The following PDZD9 variants were observed in gnomAD, a reference collection of about 807,000 sequenced individuals.
The protein encoded by PDZD9 is PDZ domain-containing protein 9.
PDZD9 carries 13 observed loss-of-function variants against 16.3 expected under a neutral mutation model. The ratio of observed to expected loss-of-function variants is 0.80; its 90% CI spans 0.52 to 1.27. The LOEUF (loss-of-function observed/expected upper bound fraction) is 1.27. Among genes scored for constraint, PDZD9 ranks in the 50% most tolerant of loss-of-function variants. The pLI, the probability that PDZD9 is intolerant of heterozygous loss-of-function variation, is 0.00. For missense variants in PDZD9, 288 were observed against 310.9 expected (o/e 0.93, Z 0.55); for synonymous variants, 120 against 111.0 (o/e 1.08, Z -0.51).
the PDZD9 span, chr16:21,971,801 G>A: frequency 7.0e-7 from 1 of 1,422,680 alleles, no homozygotes; most frequent in Non-Finnish European, 9.7e-7. Flanking sequence ...GATGGCATGG[G>A]GAAAGCACCG....
rs1289766030 is a variant in PDZD9, at chr16:21,984,088, C to T, written c.*179G>A. On this transcript the variant is annotated 3_prime_UTR_variant, in exon 4 of 4. Coordinates refer to ENST00000424898, the MANE Select transcript of PDZD9 (RefSeq NM_001363519.1). ...TAAGATTTGTGAGGCCTGCAAGAACCCAAGGAAGTCTTTAGATAATCCTGT... is the reference window on the plus strand; with the variant it reads ...TAAGATTTGTGAGGCCTGCAAGAACTCAAGGAAGTCTTTAGATAATCCTGT... 1 of 598,184 alleles carries T rather than the reference C, an allele frequency of 1.7e-6. No individual in the cohort carries two copies. The highest frequency in any genetic ancestry group is 2.7e-6 in the Non-Finnish European group (1 of 365,768). 37.1% of individuals were successfully genotyped at this position (598,184 alleles called of 1,614,324 possible).
chr16:22,000,981 C>CA (rs892813521), intron 1 of PDZD9, 36 bp downstream of exon 1: 1 of 1,530,762 alleles, frequency 6.5e-7, no homozygotes. Flanking sequence ...GCTTGGTCCC[C>CA]AGGGCTTCTT....
the PDZD9 span, chr16:21,968,656 C>G: frequency 6.2e-7 from 1 of 1,609,786 alleles, no homozygotes; most frequent in Non-Finnish European, 8.5e-7. Flanking sequence ...AACCATTTCA[C>G]AAGTGCAAGA....
the PDZD9 span, among the ~76,000 whole-genome samples, chr16:21,963,924 A>G: frequency 2.9e-4 from 44 of 152,268 alleles, no homozygotes; most frequent in Admixed American, 1.5e-3. Context: ...TTTAATAGGA[A>G]TCTTTTTTGC....
At position 21,988,595 on chromosome 16, in the gene PDZD9, T is replaced by C. The variant is rs1898939834; in HGVS notation, c.401+7A>G. The C allele has an allele frequency of 3.1e-6, 5 of 1,599,072 alleles. No homozygotes were observed. Among genetic ancestry groups the C allele is most frequent in the Non-Finnish European group, 4.3e-6 (5 of 1,169,666 alleles). ...ATAACAAAGAGTTCCTAAAATGAAC[T>C]ATTTACCTTGTTACTGGGAATTTGG... On this transcript the variant is annotated splice_region_variant and intron_variant, in intron 3 of 3. Coordinates refer to ENST00000424898, the MANE Select transcript of PDZD9 (RefSeq NM_001363519.1).
At chr16:21,986,343 A>G (rs1470769311) in intron 3 of PDZD9, among the ~76,000 whole-genome samples, 1 of 152,160 alleles carries the variant, frequency 6.6e-6, no homozygotes, top group Non-Finnish European at 1.5e-5. Context: ...CTTAAGTTGT[A>G]CTGTTCTATC....
intron 2 of PDZD9, 90 bp from the exon 3 acceptor site, chr16:21,988,881 A>G: frequency 1.2e-6 from 1 of 827,982 alleles, no homozygotes. Context: ...ATTTCATTTT[A>G]TGGGTTCATA....
At chr16:21,971,418 G>A in the PDZD9 span, 1 of 874,438 alleles carries the variant, frequency 1.1e-6, no homozygotes, top group Non-Finnish European at 1.8e-6. Context: ...TATTTATTTT[G>A]TAGTGTTAGG....
the PDZD9 span, among the ~76,000 whole-genome samples, chr16:21,967,100 T>G: frequency 6.6e-6 from 1 of 152,184 alleles, no homozygotes; most frequent in African/African-American, 2.4e-5. Flanking sequence ...AAGTTAATAG[T>G]ATTTTTTAAA....
the PDZD9 span, among the ~76,000 whole-genome samples, chr16:21,963,496 G>T: frequency 7.3e-5 from 11 of 150,848 alleles, no homozygotes; most frequent in Non-Finnish European, 1.6e-4. Flanking sequence ...TTGAGACAGG[G>T]TGTTGCTTGT....
chr16:21,972,024 C>T, the PDZD9 span: 1 of 1,614,198 alleles, frequency 6.2e-7, no homozygotes, highest in Non-Finnish European at 8.5e-7. Context: ...TAGTGTTCTT[C>T]AGCATGTCCT....
At chr16:21,971,596 G>A in the PDZD9 span, 1 of 1,614,136 alleles carries the variant, frequency 6.2e-7, no homozygotes, top group Non-Finnish European at 8.5e-7. Flanking sequence ...TGGTTTATCT[G>A]GTGCAAAGGC....
At chr16:21,989,338 A>G (rs1453305104) in intron 2 of PDZD9, among the ~76,000 whole-genome samples, 1 of 152,156 alleles carries the variant, frequency 6.6e-6, no homozygotes, top group Non-Finnish European at 1.5e-5. Context: ...GGTAGACATT[A>G]TATGATGTTT....
downstream of PDZD9, among the ~76,000 whole-genome samples, chr16:21,979,782 A>G (rs1256614713): frequency 1.3e-5 from 2 of 152,136 alleles, no homozygotes; most frequent in Non-Finnish European, 2.9e-5. Flanking sequence ...GCACTACAAC[A>G]TTATGTTGTC....
chr16:21,958,487 A>T, the PDZD9 span: 1 of 1,566,304 alleles, frequency 6.4e-7, no homozygotes, highest in Non-Finnish European at 8.8e-7. Context: ...ATGTTTGGCA[A>T]ACTTGGCATT....
the PDZD9 span, chr16:21,968,339 A>G: frequency 4.6e-6 from 1 of 215,612 alleles, no homozygotes; most frequent in Admixed American, 5.8e-5. Flanking sequence ...CTTTGTTGAG[A>G]TGTAATTCAC....
the PDZD9 span, among the ~76,000 whole-genome samples, chr16:21,974,302 G>A: frequency 6.6e-6 from 1 of 152,050 alleles, no homozygotes; most frequent in East Asian, 1.9e-4. Flanking sequence ...TCAGTGTAGA[G>A]ATTGTGTTGA....
chr16:21,982,596 A>G (rs1227832346), downstream of PDZD9, among the ~76,000 whole-genome samples: 1 of 152,120 alleles, frequency 6.6e-6, no homozygotes, highest in Non-Finnish European at 1.5e-5. Context: ...TTCCTCCCAC[A>G]CTGTCCCAAA....
At chr16:21,976,464 G>A in the PDZD9 span, 62 of 427,244 alleles carry the variant, frequency 1.5e-4, no homozygotes, top group African/African-American at 1.1e-3. Context: ...GGCCAAGGCA[G>A]GTGGTTCATT....
Sources: allele counts gnomAD v4.1 joint callset (sites outside exome capture counted in the v4.1 genomes callset), GRCh38; gene constraint gnomAD v4.1.1; transcripts MANE v1.5; gene names NCBI Gene and HGNC (gene_info 2026-07-23, HGNC 2026-07-21).